The following TTC27 variants were observed in gnomAD, a reference collection of about 807,000 sequenced individuals.
TTC27 encodes the protein tetratricopeptide repeat protein 27.
In TTC27, 79 loss-of-function variants were observed where a neutral mutation model predicts 115.9. That is an observed-to-expected ratio of 0.68 (90% CI 0.57 to 0.82). The LOEUF (loss-of-function observed/expected upper bound fraction) is 0.82, where lower values mean the gene tolerates loss of function less well. Ranked by LOEUF, TTC27 falls within the 40% of genes least tolerant of loss-of-function variation. The pLI, the probability that TTC27 is intolerant of heterozygous loss-of-function variation, is 0.00. For synonymous variants in TTC27, 401 were observed against 356.0 expected, an observed-to-expected ratio of 1.13 and a Z score of -1.42; for missense variants, 1,054 against 993.1, an observed-to-expected ratio of 1.06 and a Z score of -0.82.
Position 32,630,674 on chromosome 2 carries a change from C to T in TTC27, c.240C>T (p.Tyr80=). 1 of 1,611,636 alleles carries T rather than the reference C, an allele frequency of 6.2e-7. No homozygotes were observed. The highest frequency in any genetic ancestry group is 1.1e-5 in the South Asian group (1 of 90,618). ...AGCAGGTAGTAACATTCCTGGATTA[C>T]TCAACAGATTTGGACACAACGGAAA... ...LEKQVVTFLD[Y]STDLDTTERQ... is the part of the protein sequence containing the mutation. The change falls in exon 2 of 20, where the codon TAC becomes TAT. Residue 80 remains tyrosine, a synonymous_variant. Coordinates refer to ENST00000317907, the MANE Select transcript of TTC27 (RefSeq NM_017735.5).
intron 10 of TTC27, among the ~76,000 whole-genome samples, chr2:32,704,571 CCGTGAGATCT>C (rs1667301931): frequency 6.6e-6 from 1 of 152,146 alleles, no homozygotes; most frequent in African/African-American, 2.4e-5. Flanking sequence ...ATAGCCTTCA[CCGTGAGATCT>C]CGTTTAGGCT....
rs1205748262 is a variant in TTC27 at position 32,666,622 on chromosome 2, ATTGTT to A, written c.806-10_806-6del. 1 of 1,613,550 alleles carries A rather than the reference ATTGTT, an allele frequency of 6.2e-7. No homozygotes were observed. The highest frequency in any genetic ancestry group is 8.5e-7 in the Non-Finnish European group (1 of 1,179,686). On this transcript the variant is annotated splice_polypyrimidine_tract_variant and splice_region_variant and intron_variant, in intron 6 of 19. Transcript: ENST00000317907. ...TGGGTAAGTCAGTAGATATAATTTT[ATTGTT>A]TTTTCAGGTGCTTTGGGAAAAAGAA...
intron 3 of TTC27, among the ~76,000 whole-genome samples, chr2:32,639,696 T>G (rs1348947416): frequency 6.6e-6 from 1 of 152,168 alleles, no homozygotes; most frequent in East Asian, 1.9e-4. Context: ...TTTTTTTGAG[T>G]TCCTTGTTTC....
At chr2:32,808,301 C>T (rs1332900629) in intron 16 of TTC27, among the ~76,000 whole-genome samples, 1 of 152,220 alleles carries the variant, frequency 6.6e-6, no homozygotes, top group African/African-American at 2.4e-5. Flanking sequence ...TTGCCCAACA[C>T]AGTCTCTTTA....
At chr2:32,790,174 T>A (rs1298998748) in intron 16 of TTC27, among the ~76,000 whole-genome samples, 1 of 152,044 alleles carries the variant, frequency 6.6e-6, no homozygotes, top group Non-Finnish European at 1.5e-5. Flanking sequence ...ATGGGGAATT[T>A]TCAATATAGC....
chr2:32,708,304 G>GTT (rs1158508588), intron 10 of TTC27, among the ~76,000 whole-genome samples: 2,243 of 61,308 alleles, frequency 0.037, 330 homozygotes, highest in African/African-American at 0.073. Flanking sequence ...TCTCTACCTT[G>GTT]TTTTTTTTTT....
intron 10 of TTC27, among the ~76,000 whole-genome samples, chr2:32,715,064 C>T (rs1667709945): frequency 6.6e-6 from 1 of 152,032 alleles, no homozygotes. Context: ...TGTGCAAAAG[C>T]TCTTTTGTTT....
chr2:32,733,814 A>C lies in TTC27; in HGVS notation c.1234-14A>C. 1.3e-6 allele frequency: 2 copies of C among 1,563,464 alleles called. No individual in the cohort carries two copies. The highest frequency in any genetic ancestry group is 1.8e-6 in the Non-Finnish European group (2 of 1,140,246). On this transcript the variant is annotated splice_polypyrimidine_tract_variant and intron_variant, in intron 10 of 19. Coordinates refer to ENST00000317907, the MANE Select transcript of TTC27 (RefSeq NM_017735.5). ...TATACATATAGATTCTGATTGTGAT[A>C]TATGTCCTTTAAGGCTCTTGCAGAC...
At chr2:32,635,833 C>T (rs1664403293) in intron 3 of TTC27, among the ~76,000 whole-genome samples, 1 of 152,160 alleles carries the variant, frequency 6.6e-6, no homozygotes, top group African/African-American at 2.4e-5. Flanking sequence ...TAACTCTTTG[C>T]ATATCAGCTT....
chr2:32,748,544 AGTT>A (rs905473655), intron 12 of TTC27, among the ~76,000 whole-genome samples: 4 of 151,958 alleles, frequency 2.6e-5, no homozygotes, highest in Non-Finnish European at 4.4e-5. Context: ...ATTATTGTTC[AGTT>A]GTTTATTTTT....
At chr2:32,815,430 G>A (rs1012671948) in intron 18 of TTC27, among the ~76,000 whole-genome samples, 1 of 151,332 alleles carries the variant, frequency 6.6e-6, no homozygotes, top group African/African-American at 2.4e-5. Context: ...ATAGAGACAG[G>A]GTTTCACCGT....
At position 32,633,877 on chromosome 2, in the gene TTC27, C is replaced by A; in HGVS notation, c.268C>A (p.Gln90Lys). Residue 90 changes from glutamine to lysine, a missense_variant and splice_region_variant, in exon 3 of 20, where the codon CAA becomes AAA. Physicochemically the swap from Gln to Lys is moderately conservative, Grantham distance 53 (BLOSUM62 1). Transcript: ENST00000317907. ...TTCTTTAACCATTCTTATATGCAGA[C>A]AACAGTTGATATTTCTACTTGGTGT... ...YSTDLDTTER[Q>K]QLIFLLGVSS... 1.2e-6 allele frequency: 2 copies of A among 1,613,306 alleles called. No homozygotes were observed. The highest frequency in any genetic ancestry group is 1.7e-6 in the Non-Finnish European group (2 of 1,179,684).
At chr2:32,654,690 A>G (rs1387453890) in intron 5 of TTC27, among the ~76,000 whole-genome samples, 1 of 149,442 alleles carries the variant, frequency 6.7e-6, no homozygotes, top group Non-Finnish European at 1.5e-5. Context: ...GCCACCATAC[A>G]TGGCTAATTT....
chr2:32,811,591 A>G (rs775653031), intron 17 of TTC27, among the ~76,000 whole-genome samples: 1 of 152,218 alleles, frequency 6.6e-6, no homozygotes, highest in African/African-American at 2.4e-5. Flanking sequence ...GAGAAGGAGT[A>G]TTTAGATCTG....
At chr2:32,718,906 G>GCTT (rs1412581055) in intron 10 of TTC27, among the ~76,000 whole-genome samples, 2 of 152,208 alleles carry the variant, frequency 1.3e-5, no homozygotes, top group Non-Finnish European at 2.9e-5. Flanking sequence ...ACCTCCTGTT[G>GCTT]CTTCATTCTT....
At chr2:32,766,673 T>C (rs74372971) in intron 13 of TTC27, 2,652 of 158,724 alleles carry the variant, frequency 0.017, 64 homozygotes, top group African/African-American at 0.061. Context: ...AGATTTGAAA[T>C]ATTGTGAGAG....
chr2:32,739,724 G>A (rs1185876599), intron 12 of TTC27, among the ~76,000 whole-genome samples: 1 of 151,954 alleles, frequency 6.6e-6, no homozygotes, highest in East Asian at 1.9e-4. Flanking sequence ...TGCTATATTT[G>A]CAGATTTTTT....
rs776515945 is a variant in TTC27, at chr2:32,753,429, C to CTTTTTTTTTTTTT, written c.1453-4850_1453-4838dup. ...ATACTCGGTTAATCCAATCAAATGC[C>CTTTTTTTTTTTTT]TTTTTTTTTTTTTTTTTTTTTTTTT... On this transcript the variant is annotated intron_variant, in intron 12 of 19. Coordinates refer to ENST00000317907, the MANE Select transcript of TTC27 (RefSeq NM_017735.5). Among the ~76,000 whole-genome samples the CTTTTTTTTTTTTT allele has an allele frequency of 4.9e-4, 36 of 72,884 alleles. 6 individuals are homozygous for CTTTTTTTTTTTTT. The highest frequency in any genetic ancestry group is 1.8e-3 in the African/African-American group (32 of 17,998). 47.8% of individuals were successfully genotyped at this position (72,884 alleles called of 152,430 possible).
chr2:32,711,055 T>TGCA (rs780877980), intron 10 of TTC27, among the ~76,000 whole-genome samples: 2 of 141,542 alleles, frequency 1.4e-5, no homozygotes, highest in East Asian at 2.1e-4. Flanking sequence ...AGGCAGAGGT[T>TGCA]GCAGTGAGCT....
Sources: allele counts gnomAD v4.1 joint callset (sites outside exome capture counted in the v4.1 genomes callset), GRCh38; gene constraint gnomAD v4.1.1; transcripts MANE v1.5; gene names NCBI Gene and HGNC (gene_info 2026-07-23, HGNC 2026-07-21).